The following TRAPPC1 variants were observed in gnomAD, a reference collection of about 807,000 sequenced individuals.
TRAPPC1 encodes BET5 homolog.
Under a neutral mutation model 17.2 loss-of-function variants are expected in TRAPPC1, and 10 were observed. The observed-to-expected ratio is 0.58, with a 90% CI of 0.36 to 0.99. The LOEUF (loss-of-function observed/expected upper bound fraction) is 0.99, where lower values mean the gene tolerates loss of function less well. Ranked by LOEUF, TRAPPC1 falls within the 50% of genes least tolerant of loss-of-function variation. The probability of loss-of-function intolerance (pLI) is 0.01; values close to 1 mark genes in which losing one functional copy is unlikely to be tolerated. For missense variants in TRAPPC1, 163 were observed against 184.4 expected, an observed-to-expected ratio of 0.88 and a Z score of 0.67; for synonymous variants, 85 against 74.5, an observed-to-expected ratio of 1.14 and a Z score of -0.72.
In TRAPPC1 at chr17:7,930,467, G is replaced by C. The variant is rs890989763; in HGVS notation, c.*139C>G. The C allele has an allele frequency of 2.7e-5, 28 of 1,028,800 alleles. No homozygotes were observed. The African/African-American group carries it at 4.4e-4, about 16-fold the overall frequency. The allele number at this position is 1,028,800 out of a possible 1,614,324, so 63.7% of individuals were successfully genotyped here. A position where few individuals can be genotyped will look rare whatever the true frequency, so the allele number is the denominator to read the frequency against. Reference sequence around the variant, plus strand: ...TGGGCTTCACTCTGGTAGGAGGAGAGCATCAGGGCAGGCCTTTAGGCTGTT... The same window carrying C: ...TGGGCTTCACTCTGGTAGGAGGAGACCATCAGGGCAGGCCTTTAGGCTGTT... On this transcript the variant is annotated 3_prime_UTR_variant, in exon 4 of 4. Coordinates refer to ENST00000303731, the MANE Select transcript of TRAPPC1 (RefSeq NM_021210.5).
Position 7,931,895 on chromosome 17 carries a change from A to G in TRAPPC1, c.-66T>C. 1 of 1,400,370 alleles carries G rather than the reference A, an allele frequency of 7.1e-7. No homozygotes were observed. The highest frequency in any genetic ancestry group is 1.0e-6 in the Non-Finnish European group (1 of 985,826). 86.7% of individuals were successfully genotyped at this position (1,400,370 alleles called of 1,614,324 possible). Reference sequence around the variant, plus strand: ...CCACTCCTTGGGCTCGGGTTCCCGGACCCACAGCCTTCCAACCAGGTGGGG... The same window carrying G: ...CCACTCCTTGGGCTCGGGTTCCCGGGCCCACAGCCTTCCAACCAGGTGGGG... On this transcript the variant is annotated 5_prime_UTR_variant, in exon 1 of 4. Transcript: ENST00000303731.
In TRAPPC1 at chr17:7,931,136, G is replaced by C. The variant is rs1258313648; in HGVS notation, c.184C>G (p.Leu62Val). 1 of 1,613,902 alleles carries C rather than the reference G, an allele frequency of 6.2e-7. No homozygotes were observed. Among genetic ancestry groups the C allele is most frequent in the Non-Finnish European group, 8.5e-7 (1 of 1,179,984 alleles). The change falls in exon 3 of 4, where the codon CTG becomes GTG. Residue 62 changes from leucine to valine, a missense_variant. Physicochemically the swap from Leu to Val is conservative, Grantham distance 32. Transcript: ENST00000303731. ...MSPLDMKDGF[L>V]AFQTSRYKLH... is the part of the protein sequence containing the mutation. ...TTGTAACGGCTAGTTTGGAAGGCCA[G>C]GAAGCCATCCTTCCTGCAGAGATGA...
At position 7,931,799 on chromosome 17, in the gene TRAPPC1, G is replaced by A. The variant is rs1216545802; in HGVS notation, c.31C>T (p.Arg11Trp). 5 of 1,614,022 alleles carry A rather than the reference G, an allele frequency of 3.1e-6. No individual in the cohort carries two copies. Among genetic ancestry groups the A allele is most frequent in the African/African-American group, 1.3e-5 (1 of 74,918 alleles). ...CTGTAGTGCAGACACACTCCATTCCGGTCAAACAGGTACAGGTTGTGGACA... is the reference window on the plus strand; with the variant it reads ...CTGTAGTGCAGACACACTCCATTCCAGTCAAACAGGTACAGGTTGTGGACA... MTVHNLYLFD[R>W]NGVCLHYSEW... Residue 11 changes from arginine to tryptophan, a missense_variant, in exon 1 of 4, where the codon CGG becomes TGG. By Grantham distance (101) the Arg-to-Trp change is moderately radical (BLOSUM62 -3). Transcript: ENST00000303731.
Position 7,931,141 on chromosome 17 carries a change from C to A in TRAPPC1, c.179G>T (p.Gly60Val), listed in dbSNP as rs1042804252. 5 of 1,613,670 alleles carry A rather than the reference C, an allele frequency of 3.1e-6. No individual in the cohort carries two copies. The highest frequency in any genetic ancestry group is 4.2e-6 in the Non-Finnish European group (5 of 1,179,916). The change falls in exon 3 of 4, where the codon GGC becomes GTC. Residue 60 changes from glycine (G) to valine (V), a missense_variant. By Grantham distance (109) the Gly-to-Val change is moderately radical. Transcript: ENST00000303731. ...SKMSPLDMKDGFLAFQTSRYK... is the reference protein window; with the variant it reads ...SKMSPLDMKDVFLAFQTSRYK... ...ACGGCTAGTTTGGAAGGCCAGGAAG[C>A]CATCCTTCCTGCAGAGATGAGGAGG...
chr17:7,930,730 T>A lies in TRAPPC1; in HGVS notation c.314A>T (p.Tyr105Phe). The A allele has an allele frequency of 6.2e-7, 1 of 1,614,084 alleles. No homozygotes were observed. Among genetic ancestry groups the A allele is most frequent in the Non-Finnish European group, 8.5e-7 (1 of 1,179,974 alleles). Residue 105 changes from tyrosine to phenylalanine, a missense_variant, in exon 4 of 4, where the codon TAT becomes TTT. Transcript: ENST00000303731. ...GGGATTCTTCACCACCAGCTCCACA[T>A]ACAGCTATGGAAAGGGAAGATGTTA... Reference protein sequence around the residue: ...DVLHHIYSALYVELVVKNPLC... With the variant: ...DVLHHIYSALFVELVVKNPLC...
rs767083574 is a variant in TRAPPC1 at position 7,931,105 on chromosome 17, T to C, written c.215A>G (p.His72Arg). ...LAFQTSRYKLHYYETPTGIKV... is the reference protein window; with the variant it reads ...LAFQTSRYKLRYYETPTGIKV... ...GATCCCAGTGGGCGTCTCGTAGTAA[T>C]GGAGTTTGTAACGGCTAGTTTGGAA... The change falls in exon 3 of 4, where the codon CAT (histidine) becomes CGT (arginine). Residue 72 changes from histidine (H) to arginine (R), a missense_variant. His to Arg is a conservative substitution (Grantham distance 29). Coordinates refer to ENST00000303731, the MANE Select transcript of TRAPPC1 (RefSeq NM_021210.5). 3 of 1,613,746 alleles carry C rather than the reference T, an allele frequency of 1.9e-6. No individual in the cohort carries two copies. Among genetic ancestry groups the C allele is most frequent in the African/African-American group, 2.7e-5 (2 of 74,778 alleles).
chr17:7,931,215 C>G (rs62062529), intron 2 of TRAPPC1, 66 bp from the exon 3 acceptor site: 1 of 1,567,036 alleles, frequency 6.4e-7, no homozygotes, highest in Non-Finnish European at 8.7e-7. Context: ...ACTTCTGATC[C>G]CCGCAAACAT....
chr17:7,930,779 G>A (rs765868796), intron 3 of TRAPPC1, 45 bp from the exon 4 acceptor site: 4 of 1,603,774 alleles, frequency 2.5e-6, no homozygotes, highest in Non-Finnish European at 3.4e-6. Flanking sequence ...GATACTTCTG[G>A]TTTTTAGCCC....
chr17:7,930,959 T>G, intron 3 of TRAPPC1, 52 bp downstream of exon 3: 1 of 1,600,648 alleles, frequency 6.2e-7, no homozygotes, highest in South Asian at 1.1e-5. Context: ...GATGAGGGAG[T>G]CTTGGGGTTC....
At position 7,930,508 on chromosome 17, in the gene TRAPPC1, T is replaced by C; in HGVS notation, c.*98A>G. 1 of 1,414,538 alleles carries C rather than the reference T, an allele frequency of 7.1e-7. No homozygotes were observed. Among genetic ancestry groups the C allele is most frequent in the Non-Finnish European group, 9.5e-7 (1 of 1,054,460 alleles). 87.6% of individuals were successfully genotyped at this position (1,414,538 alleles called of 1,614,324 possible). ...TTAGGCTGTTGCTCTGGGCAGGGGG[T>C]GGGGGTGCGGGGGCTTACAGTGGGG... On this transcript the variant is annotated 3_prime_UTR_variant, in exon 4 of 4. Transcript: ENST00000303731.
At position 7,930,999 on chromosome 17, in the gene TRAPPC1, G is replaced by A. The variant is rs763835813; in HGVS notation, c.309+12C>T. 2 of 1,613,154 alleles carry A rather than the reference G, an allele frequency of 1.2e-6. No individual in the cohort carries two copies. Among genetic ancestry groups the A allele is most frequent in the South Asian group, 2.2e-5 (2 of 91,014 alleles). ...GAGCTCTGGGGGATGGGTCCCTGGG[G>A]CTGGCACTGACCGCACTGTAGATGT... On this transcript the variant is annotated intron_variant, in intron 3 of 3. Transcript: ENST00000303731.
rs1972427707 is a variant in TRAPPC1, at chr17:7,930,691, C to G, written c.353G>C (p.Gly118Ala). The change falls in exon 4 of 4, where the codon GGC becomes GCC. Residue 118 changes from glycine to alanine, a missense_variant. Gly to Ala is a moderately conservative substitution (Grantham distance 60). Coordinates refer to ENST00000303731, the MANE Select transcript of TRAPPC1 (RefSeq NM_021210.5). The part of the protein sequence containing the change: ...LVVKNPLCPL[G>A]QTVQSELFRS... Reference sequence around the variant, plus strand: ...AAAGAGCTCACTTTGCACAGTTTGGCCCAGCGGGCACAGGGGATTCTTCAC... The same window carrying G: ...AAAGAGCTCACTTTGCACAGTTTGGGCCAGCGGGCACAGGGGATTCTTCAC... The G allele has an allele frequency of 3.1e-6, 5 of 1,614,140 alleles. No homozygotes were observed. In the East Asian group the frequency reaches 1.1e-4, roughly 36 times the overall value.
intron 3 of TRAPPC1, 91 bp from the exon 4 acceptor site, chr17:7,930,825 C>A: frequency 6.5e-7 from 1 of 1,548,658 alleles, no homozygotes; most frequent in Non-Finnish European, 8.7e-7. Flanking sequence ...TGTGAATGCA[C>A]AAGGAATAAG....
chr17:7,930,800 A>G, intron 3 of TRAPPC1, 66 bp from the exon 4 acceptor site: 7 of 1,588,920 alleles, frequency 4.4e-6, no homozygotes, highest in Non-Finnish European at 6.0e-6. Flanking sequence ...CAAACCTTGT[A>G]TAACCTCAGG....
intron 2 of TRAPPC1, 29 bp from the exon 3 acceptor site, chr17:7,931,178 T>C: frequency 6.2e-7 from 1 of 1,611,612 alleles, no homozygotes; most frequent in East Asian, 2.2e-5. Flanking sequence ...TGTTAAAGAA[T>C]GGGAGCAGAA....
At chr17:7,931,625 G>A (rs948737300) in intron 1 of TRAPPC1, 49 bp from the exon 2 acceptor site, 3 of 749,242 alleles carry the variant, frequency 4.0e-6, no homozygotes, top group East Asian at 7.6e-5. Flanking sequence ...GGGAGATGGG[G>A]TGGGGGGTGG....
At position 7,931,526 on chromosome 17, in the gene TRAPPC1, G is replaced by T; in HGVS notation, c.150C>A (p.Ser50Arg). The T allele has an allele frequency of 6.2e-7, 1 of 1,613,978 alleles. No homozygotes were observed. Among genetic ancestry groups the T allele is most frequent in the Non-Finnish European group, 8.5e-7 (1 of 1,179,970 alleles). ...GMLFSIRSFV[S>R]KMSPLDMKDG... The stretch of plus-strand genomic sequence containing the variant: ...CGTACATGTCTAGCGGGGACATCTT[G>T]CTGACAAACGAGCGGATAGAGAAGA... Residue 50 changes from serine (S) to arginine (R), a missense_variant, in exon 2 of 4, where the codon AGC becomes AGA. By Grantham distance (110) the Ser-to-Arg change is moderately radical (BLOSUM62 -1). Coordinates refer to ENST00000303731, the MANE Select transcript of TRAPPC1 (RefSeq NM_021210.5).
intron 3 of TRAPPC1, 53 bp from the exon 4 acceptor site, chr17:7,930,787 C>T: frequency 6.3e-7 from 1 of 1,598,872 alleles, no homozygotes; most frequent in East Asian, 2.2e-5. Flanking sequence ...TGGTTTTTAG[C>T]CCCAAACCTT....
At chr17:7,930,954 G>A in intron 3 of TRAPPC1, 57 bp downstream of exon 3, 2 of 1,596,416 alleles carry the variant, frequency 1.3e-6, no homozygotes, top group South Asian at 1.1e-5. Context: ...GGGGAGATGA[G>A]GGAGTCTTGG....
Sources: gnomAD v4.1 joint callset for allele counts on GRCh38, gnomAD v4.1.1 for gene constraint, MANE v1.5 for transcripts, NCBI Gene and HGNC (gene_info 2026-07-23, HGNC 2026-07-21) for gene names.